The following ROBO2 variants were observed in gnomAD, a reference collection of about 807,000 sequenced individuals.
ROBO2 encodes the protein roundabout homolog 2.
In ROBO2, 53 loss-of-function variants were observed where a neutral mutation model predicts 160.8. The ratio of observed to expected loss-of-function variants is 0.33; its 90% CI spans 0.26 to 0.41. The LOEUF (loss-of-function observed/expected upper bound fraction) is 0.41, where lower values mean the gene tolerates loss of function less well. Ranked by LOEUF, ROBO2 falls within the 10% of genes least tolerant of loss-of-function variation. The pLI is 1.00. For synonymous variants in ROBO2, 664 were observed against 611.7 expected (o/e 1.09, Z -1.26); for missense variants, 1,577 against 1,722.4 (o/e 0.92, Z 1.49).
chr3:77,565,975 T>C (rs2093467842), intron 12 of ROBO2, among the ~76,000 whole-genome samples: 1 of 152,038 alleles, frequency 6.6e-6, no homozygotes, highest in African/African-American at 2.4e-5. Flanking sequence ...AACGGTAATT[T>C]TATTATTTGT....
At position 76,898,411 on chromosome 3, in the gene ROBO2, G is replaced by A. The variant is rs552996245; in HGVS notation, c.110-199603G>A. Among the ~76,000 whole-genome samples the A allele has an allele frequency of 1.3e-4, 19 of 151,936 alleles. No individual in the cohort carries two copies. In the South Asian group the frequency reaches 3.9e-3, roughly 32 times the overall value. On this transcript the variant is annotated intron_variant, in intron 2 of 26. Transcript: ENST00000487694. Reference sequence around the variant, plus strand: ...TTTTAAAAGACTTACTCTTAAGATGGCACATATAATTTATAAATAATATGT... The same window carrying A: ...TTTTAAAAGACTTACTCTTAAGATGACACATATAATTTATAAATAATATGT...
At chr3:76,585,556 C>T (rs1188255967) in intron 2 of ROBO2, among the ~76,000 whole-genome samples, 3 of 152,098 alleles carry the variant, frequency 2.0e-5, no homozygotes, top group Non-Finnish European at 4.4e-5. Flanking sequence ...CCAAATGATG[C>T]CTATGCTGCT....
intron 5 of ROBO2, among the ~76,000 whole-genome samples, chr3:77,497,903 A>T (rs1318284750): frequency 6.6e-6 from 1 of 152,176 alleles, no homozygotes; most frequent in African/African-American, 2.4e-5. Flanking sequence ...AAGAAACAGT[A>T]TAATACATTT....
intron 2 of ROBO2, among the ~76,000 whole-genome samples, chr3:76,717,231 C>G (rs575895156): frequency 6.6e-6 from 1 of 151,666 alleles, no homozygotes; most frequent in Non-Finnish European, 1.5e-5. Flanking sequence ...CGGTGGCTCA[C>G]GCCTGTAATC....
chr3:76,826,634 C>T (rs1005388059), intron 2 of ROBO2, among the ~76,000 whole-genome samples: 12 of 151,998 alleles, frequency 7.9e-5, no homozygotes, highest in Non-Finnish European at 1.5e-4. Context: ...AAGCTGATTC[C>T]TGAATCTTAA....
chr3:77,039,308 C>A (rs886891092), upstream of ROBO2, among the ~76,000 whole-genome samples: 2 of 152,194 alleles, frequency 1.3e-5, no homozygotes, highest in East Asian at 1.9e-4. Flanking sequence ...GGCTTCTCAT[C>A]TGGCTAAAAG....
chr3:76,723,779 A>G (rs1228354555), intron 2 of ROBO2, among the ~76,000 whole-genome samples: 1 of 152,234 alleles, frequency 6.6e-6, no homozygotes, highest in Non-Finnish European at 1.5e-5. Flanking sequence ...TATACAGATT[A>G]TAATTCTAAC....
At chr3:76,159,241 A>G (rs1329088488) in intron 2 of ROBO2, among the ~76,000 whole-genome samples, 2 of 152,316 alleles carry the variant, frequency 1.3e-5, no homozygotes. Context: ...CTGTATTTTT[A>G]TAGGCGCCAA....
chr3:76,033,704 G>A (rs1195199035), intron 2 of ROBO2, among the ~76,000 whole-genome samples: 1 of 152,142 alleles, frequency 6.6e-6, no homozygotes, highest in Non-Finnish European at 1.5e-5. Flanking sequence ...GAGATAACTC[G>A]TCCATGATTG....
At chr3:76,413,059 C>G (rs1308759354) in intron 2 of ROBO2, among the ~76,000 whole-genome samples, 1 of 152,206 alleles carries the variant, frequency 6.6e-6, no homozygotes, top group Admixed American at 6.5e-5. Flanking sequence ...TGGAAGGTGC[C>G]AAGGCTTGGG....
At chr3:77,208,113 A>G (rs2083653950) in intron 2 of ROBO2, among the ~76,000 whole-genome samples, 1 of 152,156 alleles carries the variant, frequency 6.6e-6, no homozygotes, top group African/African-American at 2.4e-5. Context: ...TTGTGATTCT[A>G]AACCATTTGA....
At chr3:76,725,199 C>T (rs2093531461) in intron 2 of ROBO2, among the ~76,000 whole-genome samples, 1 of 152,040 alleles carries the variant, frequency 6.6e-6, no homozygotes, top group African/African-American at 2.4e-5. Context: ...AAATTTTCTA[C>T]TCTTTTTTAA....
At chr3:76,660,000 T>A (rs1260154606) in intron 2 of ROBO2, among the ~76,000 whole-genome samples, 1 of 152,176 alleles carries the variant, frequency 6.6e-6, no homozygotes, top group Non-Finnish European at 1.5e-5. Context: ...AATTGAAGAT[T>A]TAAGTGTCTT....
intron 2 of ROBO2, among the ~76,000 whole-genome samples, chr3:76,581,023 C>G (rs1482968385): frequency 6.6e-6 from 1 of 152,124 alleles, no homozygotes; most frequent in Admixed American, 6.5e-5. Context: ...TGTGGTTGAT[C>G]AGATAAAGCT....
intron 2 of ROBO2, among the ~76,000 whole-genome samples, chr3:76,286,279 CTATA>C (rs1708500893): frequency 6.6e-6 from 1 of 151,994 alleles, no homozygotes; most frequent in South Asian, 2.1e-4. Flanking sequence ...ATGTAGAAAA[CTATA>C]TAGATGAAAC....
intron 2 of ROBO2, among the ~76,000 whole-genome samples, chr3:75,959,424 G>C (rs1440812830): frequency 6.6e-6 from 1 of 151,684 alleles, no homozygotes; most frequent in Non-Finnish European, 1.5e-5. Context: ...GTTAAAAAAG[G>C]GTTGAGCAGG....
At chr3:76,047,972 G>C (rs60072175) in intron 2 of ROBO2, among the ~76,000 whole-genome samples, 7,319 of 152,170 alleles carry the variant, frequency 0.048, 407 homozygotes, top group African/African-American at 0.13. Flanking sequence ...TTTGTTATTA[G>C]AGTAGCCCTC....
intron 2 of ROBO2, among the ~76,000 whole-genome samples, chr3:77,205,367 C>G (rs1174742939): frequency 6.6e-6 from 1 of 151,998 alleles, no homozygotes; most frequent in African/African-American, 2.4e-5. Flanking sequence ...GCACCCCCAG[C>G]AGAACTCAGC....
intron 1 of ROBO2, among the ~76,000 whole-genome samples, chr3:77,055,610 A>G (rs964275289): frequency 2.0e-5 from 3 of 152,138 alleles, no homozygotes; most frequent in Admixed American, 2.0e-4. Context: ...CATTTGGAAG[A>G]CTCATTTACG....
Sources: allele counts gnomAD v4.1 joint callset (sites outside exome capture counted in the v4.1 genomes callset), GRCh38; gene constraint gnomAD v4.1.1; transcripts MANE v1.5; gene names NCBI Gene and HGNC (gene_info 2026-07-23, HGNC 2026-07-21).